NEK11: variants seen among roughly 807,000 people sequenced by gnomAD.
NEK11 encodes the protein NIMA related kinase 11, also known as serine/threonine-protein kinase Nek11.
A neutral mutation model predicts 80.7 loss-of-function variants in NEK11; 72 were observed. That is an observed-to-expected ratio of 0.89 (90% confidence interval 0.74 to 1.08). The LOEUF (loss-of-function observed/expected upper bound fraction) is 1.08, where lower values mean the gene tolerates loss of function less well. Ranked by LOEUF, NEK11 falls within the 50% of genes least tolerant of loss-of-function variation. The pLI is 0.00. For synonymous variants in NEK11, 251 were observed against 260.7 expected (o/e 0.96, Z 0.36); for missense variants, 764 against 763.6 (o/e 1.00, Z -0.01).
intron 17 of NEK11, among the ~76,000 whole-genome samples, chr3:131,349,236 T>C (rs1243055073): frequency 1.3e-5 from 2 of 152,170 alleles, no homozygotes; most frequent in African/African-American, 4.8e-5. Context: ...TATGTGTATA[T>C]ATACATACGT....
chr3:131,324,547 A>C (rs2096936052), intron 17 of NEK11, among the ~76,000 whole-genome samples: 1 of 152,202 alleles, frequency 6.6e-6, no homozygotes, highest in African/African-American at 2.4e-5. Context: ...ACTTCAGTAA[A>C]GCTGTGGTGA....
intron 17 of NEK11, among the ~76,000 whole-genome samples, chr3:131,285,756 A>G (rs921701980): frequency 1.3e-5 from 2 of 152,214 alleles, no homozygotes; most frequent in African/African-American, 4.8e-5. Context: ...ATTGTTTTCT[A>G]AATAAATAAT....
In NEK11 at chr3:131,125,263, G is replaced by A. The variant is rs936661581; in HGVS notation, c.456-7482G>A. On this transcript the variant is annotated intron_variant, in intron 5 of 17. Transcript: ENST00000383366. ...TTTATGAGTGACTTTTCTTTAAAAT[G>A]TTGTTAGTCAGAATTTGCTTAGTCA... Among the ~76,000 whole-genome samples, 5 of 152,234 alleles carry A rather than the reference G, an allele frequency of 3.3e-5. No homozygotes were observed. The East Asian group carries it at 9.6e-4, about 29-fold the overall frequency.
At chr3:131,121,685 G>A (rs2082403274) in intron 5 of NEK11, among the ~76,000 whole-genome samples, 1 of 152,144 alleles carries the variant, frequency 6.6e-6, no homozygotes, top group Non-Finnish European at 1.5e-5. Flanking sequence ...CTCAATAATG[G>A]TGGACGCCCC....
intron 17 of NEK11, among the ~76,000 whole-genome samples, chr3:131,295,034 A>G (rs895332261): frequency 2.6e-5 from 4 of 152,056 alleles, no homozygotes; most frequent in African/African-American, 9.7e-5. Flanking sequence ...ATCCACCCTG[A>G]CAATTTCTGT....
chr3:131,215,384 G>T (rs2094797851), intron 14 of NEK11, among the ~76,000 whole-genome samples: 1 of 151,814 alleles, frequency 6.6e-6, no homozygotes, highest in East Asian at 1.9e-4. Context: ...TAACAGACCT[G>T]CACGTTGTGC....
chr3:131,313,922 A>C (rs2096807225), intron 17 of NEK11, among the ~76,000 whole-genome samples: 1 of 152,202 alleles, frequency 6.6e-6, no homozygotes, highest in Admixed American at 6.5e-5. Flanking sequence ...ACTCATTTAA[A>C]AGGTTTTCAA....
rs1579126480 is a variant in NEK11, at chr3:131,149,939, G to GT, written c.648-2442dup. On this transcript the variant is annotated intron_variant, in intron 7 of 17. Transcript: ENST00000383366. ...AATTGACTTATACGGTAGATATTAA[G>GT]TTTTTTTGTAATATATGCATTTAAT... is the stretch of plus-strand genomic sequence containing the variant. Among the ~76,000 whole-genome samples the GT allele has an allele frequency of 2.6e-5, 4 of 151,680 alleles. No individual in the cohort carries two copies. The East Asian group carries it at 7.7e-4, about 29-fold the overall frequency.
At chr3:131,238,565 A>T (rs2095471387) in intron 15 of NEK11, among the ~76,000 whole-genome samples, 1 of 152,202 alleles carries the variant, frequency 6.6e-6, no homozygotes, top group South Asian at 2.1e-4. Flanking sequence ...GGTTTAGGGA[A>T]GACCTACTAA....
At chr3:131,032,242 G>A (rs369248489) in intron 3 of NEK11, among the ~76,000 whole-genome samples, 10 of 152,244 alleles carry the variant, frequency 6.6e-5, no homozygotes, top group African/African-American at 2.2e-4. Flanking sequence ...GATTACAGGC[G>A]TGAGCCATCG....
At chr3:131,083,180 G>T (rs2075526156) in intron 4 of NEK11, among the ~76,000 whole-genome samples, 2 of 152,224 alleles carry the variant, frequency 1.3e-5, no homozygotes, top group African/African-American at 4.8e-5. Context: ...TGAATTTCGA[G>T]AATCACCCAT....
At chr3:131,052,786 C>A (rs1370773413) in intron 3 of NEK11, among the ~76,000 whole-genome samples, 1 of 152,168 alleles carries the variant, frequency 6.6e-6, no homozygotes, top group Non-Finnish European at 1.5e-5. Flanking sequence ...TAAAGCCCTA[C>A]AGCACCAAAC....
Position 131,033,187 on chromosome 3 carries a change from CT to C in NEK11, c.170+3319del, listed in dbSNP as rs556778497. On this transcript the variant is annotated intron_variant, in intron 3 of 17. Transcript: ENST00000383366. ...CATATATGAGGCAGGAAACTAAACT[CT>C]TTTTTTTTTGTGTTGATACTGAACC... Among the ~76,000 whole-genome samples the C allele has an allele frequency of 8.4e-3, 1,250 of 148,980 alleles. 22 individuals are homozygous for C. Among genetic ancestry groups the C allele is most frequent in the African/African-American group, 0.029 (1,175 of 40,676 alleles).
chr3:131,090,220 C>T (rs557263431), intron 4 of NEK11, among the ~76,000 whole-genome samples: 1 of 152,038 alleles, frequency 6.6e-6, no homozygotes. Flanking sequence ...TCTTTAAAGC[C>T]TCGACATTTC....
intron 16 of NEK11, among the ~76,000 whole-genome samples, chr3:131,251,573 G>A (rs1160481716): frequency 2.0e-5 from 3 of 152,034 alleles, no homozygotes; most frequent in Admixed American, 1.3e-4. Flanking sequence ...CTGATTGCAA[G>A]GTTCTGAATA....
intron 6 of NEK11, chr3:131,133,324 G>A (rs555974573): frequency 8.8e-6 from 4 of 452,268 alleles, no homozygotes; most frequent in Middle Eastern, 3.3e-4. Flanking sequence ...GGGAAGGAAG[G>A]AAGGAAGGAA....
intron 14 of NEK11, among the ~76,000 whole-genome samples, chr3:131,197,458 C>T (rs1034138233): frequency 6.6e-6 from 1 of 152,106 alleles, no homozygotes; most frequent in Non-Finnish European, 1.5e-5. Flanking sequence ...CTGGAAGAGA[C>T]AAACTTAACA....
chr3:131,111,327 G>C (rs1363544214), intron 5 of NEK11, among the ~76,000 whole-genome samples: 3 of 152,144 alleles, frequency 2.0e-5, no homozygotes, highest in Non-Finnish European at 4.4e-5. Context: ...TTGTGAATCT[G>C]TGGATCTGAA....
At chr3:131,083,360 A>T (rs988618609) in intron 4 of NEK11, among the ~76,000 whole-genome samples, 1 of 152,166 alleles carries the variant, frequency 6.6e-6, no homozygotes, top group Non-Finnish European at 1.5e-5. Flanking sequence ...TGCCATGGTG[A>T]TGGCTGCTGG....
Sources: gnomAD v4.1 joint callset for allele counts (sites outside exome capture counted in the v4.1 genomes callset) on GRCh38, gnomAD v4.1.1 for gene constraint, MANE v1.5 for transcripts, NCBI Gene and HGNC (gene_info 2026-07-23, HGNC 2026-07-21) for gene names.